TMEM117: variants seen among roughly 807,000 people sequenced by gnomAD.
TMEM117 encodes transmembrane protein 117.
A neutral mutation model predicts 52.4 loss-of-function variants in TMEM117; 27 were observed. The ratio of observed to expected loss-of-function variants is 0.51; its 90% CI spans 0.38 to 0.71. TMEM117 has a LOEUF of 0.71. Among genes scored for constraint, TMEM117 ranks in the 30% least tolerant of loss-of-function variants. The pLI is 0.00. For missense variants in TMEM117, 556 were observed against 630.5 expected (o/e 0.88, Z 1.26); for synonymous variants, 215 against 206.3 (o/e 1.04, Z -0.36).
At chr12:43,807,701 T>A in the TMEM117 span, among the ~76,000 whole-genome samples, 1 of 151,918 alleles carries the variant, frequency 6.6e-6, no homozygotes, top group Non-Finnish European at 1.5e-5. Flanking sequence ...GGCCACTGTA[T>A]TCTCAGTCCT....
chr12:44,178,069 T>C (rs1401617713), intron 4 of TMEM117, among the ~76,000 whole-genome samples: 2 of 152,216 alleles, frequency 1.3e-5, no homozygotes, highest in African/African-American at 4.8e-5. Flanking sequence ...CAACATCTTG[T>C]TATTTCTTAA....
At chr12:44,343,540 T>C (rs1951445078) in intron 6 of TMEM117, among the ~76,000 whole-genome samples, 2 of 151,980 alleles carry the variant, frequency 1.3e-5, no homozygotes, top group South Asian at 4.1e-4. Context: ...AAAAGTGAAA[T>C]GGTAGTTGCC....
chr12:44,198,234 C>A (rs1949446562), intron 4 of TMEM117, among the ~76,000 whole-genome samples: 1 of 152,072 alleles, frequency 6.6e-6, no homozygotes, highest in Admixed American at 6.6e-5. Flanking sequence ...ATAGGAAGGG[C>A]AGCAGAAGGG....
chr12:44,172,474 T>A (rs1327621717), intron 4 of TMEM117, among the ~76,000 whole-genome samples: 1 of 152,226 alleles, frequency 6.6e-6, no homozygotes, highest in Non-Finnish European at 1.5e-5. Context: ...TAGCAGTTAT[T>A]CTTTCTGAAT....
intron 3 of TMEM117, among the ~76,000 whole-genome samples, chr12:44,034,528 TG>T (rs1946682125): frequency 6.6e-6 from 1 of 152,238 alleles, no homozygotes; most frequent in African/African-American, 2.4e-5. Context: ...CCTAAAGTCA[TG>T]TTAGAATTCT....
At chr12:43,809,548 T>TTACAA in the TMEM117 span, among the ~76,000 whole-genome samples, 1 of 152,200 alleles carries the variant, frequency 6.6e-6, no homozygotes, top group Non-Finnish European at 1.5e-5. Context: ...ACACAATACA[T>TTACAA]TACAATACAG....
the TMEM117 span, among the ~76,000 whole-genome samples, chr12:43,820,167 G>A: frequency 2.7e-4 from 41 of 151,912 alleles, no homozygotes; most frequent in Non-Finnish European, 4.7e-4. Context: ...GCGCAACCTC[G>A]GCTCACTGCA....
At chr12:44,022,494 C>A (rs1485755459) in intron 3 of TMEM117, among the ~76,000 whole-genome samples, 11 of 152,088 alleles carry the variant, frequency 7.2e-5, no homozygotes, top group Admixed American at 7.2e-4. Flanking sequence ...AAAGATGTCT[C>A]CTTTAAATGT....
chr12:44,221,424 T>G (rs1949787056), intron 5 of TMEM117, among the ~76,000 whole-genome samples: 2 of 152,314 alleles, frequency 1.3e-5, no homozygotes, highest in South Asian at 4.1e-4. Context: ...TAGCATAAGC[T>G]TCTAACTATG....
intron 3 of TMEM117, among the ~76,000 whole-genome samples, chr12:44,041,029 C>G (rs1946789143): frequency 6.6e-6 from 1 of 152,172 alleles, no homozygotes; most frequent in Admixed American, 6.5e-5. Context: ...ATGTGAACAA[C>G]ATGACTAGCT....
intron 3 of TMEM117, among the ~76,000 whole-genome samples, chr12:44,129,467 A>G (rs955591005): frequency 6.6e-6 from 1 of 152,140 alleles, no homozygotes; most frequent in Admixed American, 6.5e-5. Flanking sequence ...GAAGTTTATT[A>G]CACTCTTTCC....
intron 5 of TMEM117, among the ~76,000 whole-genome samples, chr12:44,278,276 T>C (rs1009704426): frequency 2.0e-5 from 3 of 152,162 alleles, no homozygotes; most frequent in African/African-American, 7.2e-5. Flanking sequence ...GCAAGCATCA[T>C]TGGAGATCAT....
intron 2 of TMEM117, among the ~76,000 whole-genome samples, chr12:43,928,899 C>T (rs956741403): frequency 1.6e-4 from 25 of 152,050 alleles, no homozygotes; most frequent in African/African-American, 5.8e-4. Context: ...CCAATTTCAT[C>T]CATGTCCCTA....
the TMEM117 span, chr12:43,804,669 C>A: frequency 3.9e-6 from 3 of 771,270 alleles, no homozygotes; most frequent in South Asian, 3.8e-5. Context: ...AAGAAAAAAT[C>A]TGGAGCATGT....
intron 6 of TMEM117, among the ~76,000 whole-genome samples, chr12:44,350,985 T>C (rs117742292): frequency 0.028 from 4,238 of 152,128 alleles, 96 homozygotes; most frequent in African/African-American, 0.055. Context: ...CCACCAACAG[T>C]GTACAAGGGT....
intron 3 of TMEM117, among the ~76,000 whole-genome samples, chr12:44,129,061 C>A (rs755799391): frequency 7.2e-5 from 11 of 152,184 alleles, no homozygotes; most frequent in Non-Finnish European, 1.3e-4. Flanking sequence ...TAGTGTGCTA[C>A]ATGGTGTCAT....
chr12:43,836,851 A>G (rs962347874), intron 1 of TMEM117, among the ~76,000 whole-genome samples: 8 of 152,062 alleles, frequency 5.3e-5, no homozygotes, highest in African/African-American at 1.9e-4. Context: ...TCACATGCTT[A>G]TCAGGAACCA....
At chr12:44,378,574 T>A (rs190618415) in intron 7 of TMEM117, among the ~76,000 whole-genome samples, 1 of 152,274 alleles carries the variant, frequency 6.6e-6, no homozygotes, top group Admixed American at 6.5e-5. Context: ...AAAACCCTCT[T>A]CCCACCAAGA....
At chr12:43,877,892 C>A (rs1346480043) in intron 2 of TMEM117, among the ~76,000 whole-genome samples, 1 of 93,714 alleles carries the variant, frequency 1.1e-5, no homozygotes, top group African/African-American at 4.4e-5. Context: ...AAAAACAAAA[C>A]ACACACACAC....
Sources: allele counts gnomAD v4.1 joint callset (sites outside exome capture counted in the v4.1 genomes callset), GRCh38; gene constraint gnomAD v4.1.1; transcripts MANE v1.5; gene names NCBI Gene and HGNC (gene_info 2026-07-23, HGNC 2026-07-21).